The following LRFN2 variants were observed in gnomAD, a reference collection of about 807,000 sequenced individuals.
LRFN2 encodes the protein leucine rich repeat and fibronectin type III domain containing 2, also known as leucine-rich repeat and fibronectin type-III domain-containing protein 2.
In LRFN2, 18 loss-of-function variants were observed where a neutral mutation model predicts 37.3. The ratio of observed to expected loss-of-function variants is 0.48; its 90% CI spans 0.33 to 0.72. LRFN2 has a LOEUF of 0.72. LRFN2 is among the 30% of genes least tolerant of loss of function. LRFN2 has a pLI of 0.02. For synonymous variants in LRFN2, 556 were observed against 466.6 expected (o/e 1.19, Z -2.47); for missense variants, 1,006 against 1,060.7 (o/e 0.95, Z 0.72).
intron 1 of LRFN2, among the ~76,000 whole-genome samples, chr6:40,573,225 C>T (rs1767217543): frequency 6.6e-6 from 1 of 152,162 alleles, no homozygotes; most frequent in Non-Finnish European, 1.5e-5. Flanking sequence ...AGTACCTGCC[C>T]TGACTATTCC....
At chr6:40,412,391 C>A (rs1433960632) in intron 2 of LRFN2, among the ~76,000 whole-genome samples, 1 of 152,124 alleles carries the variant, frequency 6.6e-6, no homozygotes, top group Non-Finnish European at 1.5e-5. Flanking sequence ...AAAAAGCAAG[C>A]GAGGTCCCAC....
intron 1 of LRFN2, among the ~76,000 whole-genome samples, chr6:40,454,680 C>T (rs1764198198): frequency 6.6e-6 from 1 of 152,222 alleles, no homozygotes; most frequent in Non-Finnish European, 1.5e-5. Context: ...ACACTATCCA[C>T]TCTTTGATCC....
intron 1 of LRFN2, among the ~76,000 whole-genome samples, chr6:40,443,172 T>C (rs76008028): frequency 1.3e-5 from 2 of 152,322 alleles, no homozygotes; most frequent in African/African-American, 4.8e-5. Context: ...AGGTTTGGTC[T>C]ATCCTTGGCT....
At chr6:40,556,412 G>A (rs951517721) in intron 1 of LRFN2, among the ~76,000 whole-genome samples, 1 of 152,188 alleles carries the variant, frequency 6.6e-6, no homozygotes, top group Non-Finnish European at 1.5e-5. Context: ...GAGCAGTGAG[G>A]ATAAGGGGCA....
At chr6:40,491,333 A>C (rs1181489528) in intron 1 of LRFN2, among the ~76,000 whole-genome samples, 1 of 152,196 alleles carries the variant, frequency 6.6e-6, no homozygotes, top group African/African-American at 2.4e-5. Context: ...AAGGAAAGAG[A>C]AAGGTGTGGC....
At chr6:40,518,614 C>G (rs976380594) in intron 1 of LRFN2, among the ~76,000 whole-genome samples, 2 of 152,178 alleles carry the variant, frequency 1.3e-5, no homozygotes, top group Non-Finnish European at 2.9e-5. Flanking sequence ...AGCTGGCTAG[C>G]ATCATTTCTA....
intron 1 of LRFN2, among the ~76,000 whole-genome samples, chr6:40,534,702 G>T (rs531098907): frequency 6.6e-6 from 1 of 152,106 alleles, no homozygotes; most frequent in East Asian, 1.9e-4. Flanking sequence ...TATTGTTGGC[G>T]CTCATTCCTC....
intron 1 of LRFN2, among the ~76,000 whole-genome samples, chr6:40,493,759 C>A (rs139372858): frequency 1.5e-3 from 223 of 152,328 alleles, no homozygotes; most frequent in African/African-American, 5.0e-3. Context: ...CTGGCCTCAC[C>A]TCCAGACACT....
At chr6:40,535,172 T>C (rs995834253) in intron 1 of LRFN2, among the ~76,000 whole-genome samples, 3 of 152,222 alleles carry the variant, frequency 2.0e-5, no homozygotes, top group Non-Finnish European at 4.4e-5. Context: ...TGCCACCTTG[T>C]TATGGGATCA....
chr6:40,552,797 A>G (rs963519562), intron 1 of LRFN2, among the ~76,000 whole-genome samples: 5 of 152,202 alleles, frequency 3.3e-5, no homozygotes, highest in African/African-American at 9.7e-5. Flanking sequence ...TCATATTTGC[A>G]TATTCCTGCC....
At chr6:40,395,314 G>A (rs753030379) in intron 2 of LRFN2, among the ~76,000 whole-genome samples, 30 of 152,304 alleles carry the variant, frequency 2.0e-4, no homozygotes, top group Admixed American at 3.9e-4. Flanking sequence ...CTGGGTCCAC[G>A]GTCTGGGCTT....
intron 1 of LRFN2, among the ~76,000 whole-genome samples, chr6:40,573,498 G>A (rs756742582): frequency 1.1e-4 from 16 of 152,326 alleles, no homozygotes; most frequent in East Asian, 1.9e-4. Context: ...TGAGCCTGCC[G>A]GAGCTCCATA....
chr6:40,453,352 G>C (rs1430909994), intron 1 of LRFN2, among the ~76,000 whole-genome samples: 1 of 152,006 alleles, frequency 6.6e-6, no homozygotes, highest in Non-Finnish European at 1.5e-5. Context: ...GTGGGGGATA[G>C]ATGAATGACA....
At chr6:40,466,241 C>T (rs575257641) in intron 1 of LRFN2, among the ~76,000 whole-genome samples, 73 of 152,282 alleles carry the variant, frequency 4.8e-4, no homozygotes, top group Non-Finnish European at 9.8e-4. Flanking sequence ...GACCAGATCA[C>T]CCCAAGGAGC....
chr6:40,492,720 G>A (rs933711567), intron 1 of LRFN2, among the ~76,000 whole-genome samples: 1 of 152,096 alleles, frequency 6.6e-6, no homozygotes, highest in African/African-American at 2.4e-5. Flanking sequence ...CTGGGGGCCA[G>A]GGCAGAGGCA....
chr6:40,564,039 T>G (rs1163527751), intron 1 of LRFN2, among the ~76,000 whole-genome samples: 1 of 152,214 alleles, frequency 6.6e-6, no homozygotes, highest in African/African-American at 2.4e-5. Flanking sequence ...AAGGTCAGCA[T>G]TCTTTTTATC....
At chr6:40,498,525 G>C (rs558109230) in intron 1 of LRFN2, among the ~76,000 whole-genome samples, 2 of 152,176 alleles carry the variant, frequency 1.3e-5, no homozygotes, top group African/African-American at 4.8e-5. Flanking sequence ...TACAAAAAAA[G>C]CATGTAGACT....
intron 1 of LRFN2, among the ~76,000 whole-genome samples, chr6:40,537,725 C>T (rs1211730719): frequency 1.3e-5 from 2 of 152,104 alleles, no homozygotes; most frequent in African/African-American, 4.8e-5. Flanking sequence ...TTATGCTGCT[C>T]TCCAGTCCCC....
intron 2 of LRFN2, among the ~76,000 whole-genome samples, chr6:40,425,598 G>C (rs900771751): frequency 2.6e-5 from 4 of 152,110 alleles, no homozygotes; most frequent in Non-Finnish European, 4.4e-5. Context: ...CCCCTTTGTT[G>C]CTGTCACCAT....
Sources: allele counts gnomAD v4.1 joint callset (sites outside exome capture counted in the v4.1 genomes callset), GRCh38; gene constraint gnomAD v4.1.1; transcripts MANE v1.5; gene names NCBI Gene and HGNC (gene_info 2026-07-23, HGNC 2026-07-21).